The following ACSM3 variants were observed in gnomAD, a reference collection of about 807,000 sequenced individuals.
ACSM3 encodes the protein acyl-coenzyme A synthetase ACSM3, mitochondrial.
ACSM3 carries 61 observed loss-of-function variants against 74.1 expected under a neutral mutation model. The ratio of observed to expected loss-of-function variants is 0.82; its 90% CI spans 0.67 to 1.02. The LOEUF (loss-of-function observed/expected upper bound fraction) is 1.02, where lower values mean the gene tolerates loss of function less well. Among genes scored for constraint, ACSM3 ranks in the 50% least tolerant of loss-of-function variants. The probability of loss-of-function intolerance (pLI) is 0.00; values close to 1 mark genes in which losing one functional copy is unlikely to be tolerated. For synonymous variants in ACSM3, 213 were observed against 241.5 expected, an observed-to-expected ratio of 0.88 and a Z score of 1.09; for missense variants, 660 against 697.0, an observed-to-expected ratio of 0.95 and a Z score of 0.60.
intron 1 of ACSM3, chr16:20,741,481 GC>G: frequency 7.6e-7 from 1 of 1,308,376 alleles, no homozygotes; most frequent in Non-Finnish European, 9.9e-7. Flanking sequence ...CTGGCAGCCG[GC>G]CCGCCCGCCC....
chr16:20,686,298 A>T lies in ACSM3; in HGVS notation c.-190+11476A>T, dbSNP rs567472664. Among the ~76,000 whole-genome samples the T allele has an allele frequency of 2.0e-5, 3 of 152,274 alleles. No homozygotes were observed. The East Asian group carries it at 5.8e-4, about 29-fold the overall frequency. ...CCAGGCCCTTTTTTGCCTCATAGAA[A>T]CAGCAAGATTCTACCTACAGAAACA... On this transcript the variant is annotated intron_variant, in intron 1 of 3. Coordinates refer to the ACSM3 transcript ENST00000561584.
In ACSM3 at chr16:20,742,040, C is replaced by T. The variant is rs2079932163; in HGVS notation, c.-189-7870C>T. On this transcript the variant is annotated intron_variant, in intron 1 of 3. Coordinates refer to the ACSM3 transcript ENST00000561584. ...TGGCTCCTCAAGCCCTTGAAGCTGG[C>T]TCCAGCCATATAGCTTCTTCCACCC... The T allele has an allele frequency of 4.9e-6, 7 of 1,415,530 alleles. No individual in the cohort carries two copies. In the South Asian group the frequency reaches 8.3e-5, roughly 17 times the overall value. The allele number at this position is 1,415,530 out of a possible 1,614,324, so 87.7% of individuals were successfully genotyped here. A position where few individuals can be genotyped will look rare whatever the true frequency, so the allele number is the denominator to read the frequency against.
intron 1 of ACSM3, chr16:20,736,091 T>G (rs958401839): frequency 6.6e-6 from 1 of 152,214 alleles, no homozygotes; most frequent in Admixed American, 6.5e-5. Context: ...ATTGTTACAA[T>G]TGCTAGTTTT....
upstream of ACSM3, among the ~76,000 whole-genome samples, chr16:20,762,295 T>C (rs2080084050): frequency 6.6e-6 from 1 of 151,982 alleles, no homozygotes; most frequent in Non-Finnish European, 1.5e-5. Flanking sequence ...GTTTTTTCCC[T>C]GTCTCTAATA....
chr16:20,682,100 C>G, intron 1 of ACSM3: 1 of 687,368 alleles, frequency 1.5e-6, no homozygotes, highest in Non-Finnish European at 2.4e-6. Flanking sequence ...TAACCTGACT[C>G]TTTGTTCAGG....
In ACSM3 at chr16:20,777,508, A is replaced by G. The variant is rs750175121; in HGVS notation, c.566A>G (p.Glu189Gly). The change falls in exon 4 of 14, where the codon GAA (glutamate) becomes GGA (glycine). Residue 189 changes from glutamate to glycine, a missense_variant. Transcript: ENST00000289416. ...GTAGACGCTGTTGCATCCAAATGTG[A>G]AAATCTGCACTCCAAGCTGATTGTA... is the stretch of plus-strand genomic sequence containing the variant. ...PAVDAVASKC[E>G]NLHSKLIVSE... The G allele has an allele frequency of 2.0e-5, 33 of 1,614,038 alleles. No individual in the cohort carries two copies. Among genetic ancestry groups the G allele is most frequent in the Non-Finnish European group, 2.7e-5 (32 of 1,180,028 alleles).
chr16:20,777,351 T>A, intron 3 of ACSM3, 22 bp from the exon 4 acceptor site: 2 of 1,594,744 alleles, frequency 1.3e-6, no homozygotes, highest in Non-Finnish European at 1.7e-6. Context: ...TTCTAAACAC[T>A]GTTTCTTTTC....
Position 20,677,541 on chromosome 16 carries a change from C to T in ACSM3, c.-190+2719C>T, listed in dbSNP as rs542770061. Among the ~76,000 whole-genome samples, 8 of 152,276 alleles carry T rather than the reference C, an allele frequency of 5.3e-5. No individual in the cohort carries two copies. In the South Asian group the frequency reaches 1.7e-3, roughly 32 times the overall value. ...CCTCATCAAGTCAGTACCAGGAGAC[C>T]CCCTTCATTGCTGTGTAAATGTGAT... is the stretch of plus-strand genomic sequence containing the variant. On this transcript the variant is annotated intron_variant, in intron 1 of 3. Transcript: ENST00000561584.
chr16:20,728,508 C>G, intron 1 of ACSM3: 1 of 965,086 alleles, frequency 1.0e-6, no homozygotes, highest in Non-Finnish European at 1.6e-6. Context: ...ATAGAAAGTG[C>G]TAGTCATGTC....
chr16:20,766,395 T>C (rs2080125893), intron 1 of ACSM3, among the ~76,000 whole-genome samples: 1 of 152,052 alleles, frequency 6.6e-6, no homozygotes, highest in Non-Finnish European at 1.5e-5. Flanking sequence ...GGCTCCCACC[T>C]GTAATCCTAG....
intron 1 of ACSM3, among the ~76,000 whole-genome samples, chr16:20,690,149 G>C (rs1481376240): frequency 6.6e-6 from 1 of 152,166 alleles, no homozygotes; most frequent in Admixed American, 6.5e-5. Flanking sequence ...TGTAGGCTTT[G>C]GATAGTAATA....
chr16:20,686,844 A>C (rs2079562178), intron 1 of ACSM3, among the ~76,000 whole-genome samples: 1 of 152,004 alleles, frequency 6.6e-6, no homozygotes, highest in Non-Finnish European at 1.5e-5. Flanking sequence ...AAAGTGATTA[A>C]CATGTTAATT....
intron 2 of ACSM3, among the ~76,000 whole-genome samples, chr16:20,771,497 C>T (rs748689969): frequency 6.4e-4 from 97 of 150,388 alleles, no homozygotes; most frequent in Non-Finnish European, 1.2e-3. Flanking sequence ...TTTATCTTTC[C>T]GTGTCTGACT....
intron 1 of ACSM3, among the ~76,000 whole-genome samples, chr16:20,687,815 G>A (rs1050239319): frequency 2.6e-5 from 4 of 152,146 alleles, no homozygotes; most frequent in Non-Finnish European, 5.9e-5. Flanking sequence ...CAGGCACGGT[G>A]GCTCATGCCT....
At chr16:20,683,584 A>C (rs2079488897) in intron 1 of ACSM3, among the ~76,000 whole-genome samples, 1 of 150,276 alleles carries the variant, frequency 6.7e-6, no homozygotes, top group South Asian at 2.1e-4. Context: ...CATGCTTGGA[A>C]TGTCCTTCCT....
intron 6 of ACSM3, among the ~76,000 whole-genome samples, chr16:20,781,402 A>T (rs1174965874): frequency 6.6e-6 from 1 of 152,226 alleles, no homozygotes; most frequent in East Asian, 1.9e-4. Flanking sequence ...CAAATAAAAA[A>T]TACCATGTAA....
chr16:20,790,276 T>A lies in ACSM3; in HGVS notation c.1225-311T>A. Among the ~76,000 whole-genome samples the A allele has an allele frequency of 1.3e-5, 2 of 152,004 alleles. 1 individual carries two copies. The highest frequency in any genetic ancestry group is 2.9e-5 in the Non-Finnish European group (2 of 67,986). On this transcript the variant is annotated intron_variant, in intron 9 of 13. Transcript: ENST00000289416. The surrounding 1 kb of genome is among the most constrained non-coding windows in gnomAD (Gnocchi z 4.0). Reference sequence around the variant, plus strand: ...CCTGGGCAACATAATGAGTCCCTCATCCCTACAAAAAATAAAAATAAACAT... The same window carrying A: ...CCTGGGCAACATAATGAGTCCCTCAACCCTACAAAAAATAAAAATAAACAT...
intron 9 of ACSM3, among the ~76,000 whole-genome samples, chr16:20,789,249 GCA>G (rs1004995575): frequency 2.5e-4 from 38 of 152,266 alleles, no homozygotes; most frequent in Non-Finnish European, 3.8e-4. Context: ...GCTCAATCAT[GCA>G]CAGTGTTAAA....
intron 1 of ACSM3, among the ~76,000 whole-genome samples, chr16:20,713,104 G>A (rs1436952801): frequency 6.6e-6 from 1 of 152,176 alleles, no homozygotes; most frequent in Non-Finnish European, 1.5e-5. Flanking sequence ...TTTATAAGCT[G>A]TGTAACCTTG....
Sources: gnomAD v4.1 joint callset for allele counts (sites outside exome capture counted in the v4.1 genomes callset) on GRCh38, gnomAD v4.1.1 for gene constraint, Gnocchi (gnomAD v3.1) non-coding constraint, MANE v1.5 for transcripts, NCBI Gene and HGNC (gene_info 2026-07-23, HGNC 2026-07-21) for gene names.